EHBP1: variants seen among roughly 807,000 people sequenced by gnomAD.
EHBP1 encodes EH domain-binding protein 1.
In EHBP1, 55 loss-of-function variants were observed where a neutral mutation model predicts 144.0. That is an observed-to-expected ratio of 0.38 (90% CI 0.31 to 0.48). The LOEUF is 0.48. Among genes scored for constraint, EHBP1 ranks in the 20% least tolerant of loss-of-function variants. EHBP1 has a pLI of 0.98. For missense variants in EHBP1, 1,200 were observed against 1,364.2 expected, an observed-to-expected ratio of 0.88 and a Z score of 1.90; for synonymous variants, 469 against 472.7, an observed-to-expected ratio of 0.99 and a Z score of 0.10.
intron 19 of EHBP1, among the ~76,000 whole-genome samples, chr2:63,007,716 C>T (rs939768563): frequency 2.6e-5 from 4 of 151,680 alleles, no homozygotes; most frequent in African/African-American, 9.7e-5. Flanking sequence ...ATTATGGTTC[C>T]TCTACCCACA....
chr2:62,867,718 T>C (rs2050152977), intron 9 of EHBP1, among the ~76,000 whole-genome samples: 1 of 152,176 alleles, frequency 6.6e-6, no homozygotes, highest in African/African-American at 2.4e-5. Context: ...GTTTATAAAA[T>C]GTATGTGGAA....
In EHBP1 at chr2:63,045,602, T is replaced by C. The variant is rs1298344007; in HGVS notation, c.*102T>C. 5 of 964,766 alleles carry C rather than the reference T, an allele frequency of 5.2e-6. No homozygotes were observed. The highest frequency in any genetic ancestry group is 3.3e-5 in the African/African-American group (2 of 61,462). The allele number at this position is 964,766 out of a possible 1,614,324, so 59.8% of individuals were successfully genotyped here. On this transcript the variant is annotated 3_prime_UTR_variant, in exon 23 of 23. Coordinates refer to ENST00000431489, the MANE Select transcript of EHBP1 (RefSeq NM_001142616.3). The surrounding 1 kb of genome is among the most constrained non-coding windows in gnomAD (Gnocchi z 5.7). ...GATTTAAAACTTTTAACATTTTGTT[T>C]GGCTGGATTGTACTACTTTACCTCT...
chr2:62,865,180 A>G (rs2049942268), intron 9 of EHBP1, among the ~76,000 whole-genome samples: 1 of 152,218 alleles, frequency 6.6e-6, no homozygotes, highest in Non-Finnish European at 1.5e-5. Flanking sequence ...TAAACTAACA[A>G]GTGAGGAAGA....
In EHBP1 at chr2:62,705,918, C is replaced by A; in HGVS notation, c.-430C>A. On this transcript the variant is annotated 5_prime_UTR_variant, in exon 1 of 23. It adds an upstream start codon to the 5' untranslated region. Coordinates refer to ENST00000431489, the MANE Select transcript of EHBP1 (RefSeq NM_001142616.3). ...ATCCCGGCTACCGCGAGCGCCGTGG[C>A]TGGCTTGGCTGTTCCATGTGGCTCC... is the stretch of plus-strand genomic sequence containing the variant. 1 of 158,660 alleles carries A rather than the reference C, an allele frequency of 6.3e-6. No individual in the cohort carries two copies. Among genetic ancestry groups the A allele is most frequent in the Non-Finnish European group, 1.4e-5 (1 of 71,180 alleles). The allele number at this position is 158,660 out of a possible 1,614,324, so 9.8% of individuals were successfully genotyped here.
At chr2:62,818,709 C>T (rs976054944) in intron 5 of EHBP1, among the ~76,000 whole-genome samples, 3 of 152,074 alleles carry the variant, frequency 2.0e-5, no homozygotes, top group Non-Finnish European at 4.4e-5. Context: ...AAATAGAAAA[C>T]ATTGACTAGA....
chr2:62,769,755 A>C (rs922510952), intron 4 of EHBP1, among the ~76,000 whole-genome samples: 24 of 150,934 alleles, frequency 1.6e-4, no homozygotes, highest in Non-Finnish European at 5.9e-5. Context: ...ACTCCAAGCT[A>C]TACTGCAGGG....
chr2:62,872,290 T>C (rs903083685), intron 9 of EHBP1, among the ~76,000 whole-genome samples: 1 of 152,136 alleles, frequency 6.6e-6, no homozygotes, highest in African/African-American at 2.4e-5. Flanking sequence ...ATTTTCAACT[T>C]ACTGAGTTAG....
intron 5 of EHBP1, among the ~76,000 whole-genome samples, chr2:62,821,558 T>C (rs1457863650): frequency 1.3e-5 from 2 of 152,080 alleles, no homozygotes; most frequent in African/African-American, 4.8e-5. Flanking sequence ...GTGGGTGGTG[T>C]AGTCCCAGCT....
chr2:62,678,744 T>C (rs868656211), intron 1 of EHBP1, among the ~76,000 whole-genome samples: 2 of 152,122 alleles, frequency 1.3e-5, no homozygotes, highest in South Asian at 4.1e-4. Context: ...AAAACAGAAA[T>C]AAATATCCCT....
At chr2:62,713,242 G>A (rs1203735550) in intron 2 of EHBP1, among the ~76,000 whole-genome samples, 1 of 151,146 alleles carries the variant, frequency 6.6e-6, no homozygotes, top group Admixed American at 6.6e-5. Flanking sequence ...CAGGGAGTCA[G>A]GTGCTAAACT....
At chr2:62,855,297 C>T (rs2048962067) in intron 7 of EHBP1, among the ~76,000 whole-genome samples, 1 of 152,214 alleles carries the variant, frequency 6.6e-6, no homozygotes, top group African/African-American at 2.4e-5. Flanking sequence ...GACACACCAG[C>T]CCCCTGCCAC....
At chr2:62,796,360 A>G (rs941167067) in intron 5 of EHBP1, among the ~76,000 whole-genome samples, 1 of 152,086 alleles carries the variant, frequency 6.6e-6, no homozygotes, top group African/African-American at 2.4e-5. Flanking sequence ...TGGTTAAGTC[A>G]GAATTTCTGC....
chr2:62,925,563 C>G (rs985722517), intron 10 of EHBP1, among the ~76,000 whole-genome samples: 1 of 151,750 alleles, frequency 6.6e-6, no homozygotes, highest in African/African-American at 2.4e-5. Context: ...AACTGATAAA[C>G]GAGTTCAGTA....
intron 3 of EHBP1, among the ~76,000 whole-genome samples, chr2:62,757,943 C>T (rs550372589): frequency 3.6e-4 from 54 of 150,754 alleles, no homozygotes; most frequent in Non-Finnish European, 7.1e-4. Flanking sequence ...ACCCAGGAGG[C>T]GGAGCTTGCA....
chr2:62,935,438 T>C (rs1474627567), intron 10 of EHBP1, among the ~76,000 whole-genome samples: 1 of 151,370 alleles, frequency 6.6e-6, no homozygotes, highest in African/African-American at 2.4e-5. Context: ...ATGCATATTG[T>C]TTTTGGATTT....
At chr2:62,802,375 A>G (rs760887567) in intron 5 of EHBP1, among the ~76,000 whole-genome samples, 59 of 152,186 alleles carry the variant, frequency 3.9e-4, no homozygotes, top group Non-Finnish European at 7.6e-4. Flanking sequence ...TGCATAGGAA[A>G]GCCTCTCACA....
chr2:62,693,198 T>C (rs1205910814), intron 1 of EHBP1, among the ~76,000 whole-genome samples: 1 of 152,174 alleles, frequency 6.6e-6, no homozygotes, highest in Non-Finnish European at 1.5e-5. Flanking sequence ...TATCTCATTC[T>C]TTTTTATGGC....
intron 14 of EHBP1, among the ~76,000 whole-genome samples, chr2:62,957,878 C>A (rs2057791387): frequency 6.6e-6 from 1 of 151,952 alleles, no homozygotes; most frequent in Non-Finnish European, 1.5e-5. Context: ...GATCTCCTGA[C>A]CTCGTGATCC....
At chr2:62,761,886 C>T (rs1573200547) in intron 3 of EHBP1, among the ~76,000 whole-genome samples, 6 of 152,182 alleles carry the variant, frequency 3.9e-5, no homozygotes, top group African/African-American at 1.4e-4. Flanking sequence ...CAGCAAAACA[C>T]CCCAGAGGAG....
Sources: gnomAD v4.1 joint callset for allele counts (sites outside exome capture counted in the v4.1 genomes callset) on GRCh38, gnomAD v4.1.1 for gene constraint, Gnocchi (gnomAD v3.1) non-coding constraint, MANE v1.5 for transcripts, NCBI Gene and HGNC (gene_info 2026-07-23, HGNC 2026-07-21) for gene names.